STAT4: variants seen among roughly 807,000 people sequenced by gnomAD.
STAT4 encodes the protein signal transducer and activator of transcription 4.
Under a neutral mutation model 110.5 loss-of-function variants are expected in STAT4, and 42 were observed. The ratio of observed to expected loss-of-function variants is 0.38; its 90% CI spans 0.30 to 0.49. The LOEUF is 0.49. STAT4 is among the 20% of genes least tolerant of loss of function. The pLI is 0.95. For missense variants in STAT4, 632 were observed against 887.9 expected, an observed-to-expected ratio of 0.71 and a Z score of 3.66; for synonymous variants, 284 against 302.2, an observed-to-expected ratio of 0.94 and a Z score of 0.63.
In STAT4 at chr2:191,031,845, T is replaced by C. The variant is rs1404193576; in HGVS notation, c.2045-329A>G. Among the ~76,000 whole-genome samples the C allele has an allele frequency of 2.6e-5, 4 of 152,170 alleles. No homozygotes were observed. The highest frequency in any genetic ancestry group is 9.7e-5 in the African/African-American group (4 of 41,444). ...TGTTTGATTATAAGGACTGATTGAG[T>C]CATGTTTTGGGAGATATAATAACCC... On this transcript the variant is annotated intron_variant, in intron 21 of 23. Coordinates refer to ENST00000392320, the MANE Select transcript of STAT4 (RefSeq NM_003151.4). This position sits in a 1 kb window ranked among gnomAD's most constrained non-coding sequence, Gnocchi z 4.8.
chr2:191,039,809 T>C lies in STAT4; in HGVS notation c.1336-512A>G, dbSNP rs763409962. Among the ~76,000 whole-genome samples the C allele has an allele frequency of 2.6e-5, 4 of 152,250 alleles. No individual in the cohort carries two copies. The highest frequency in any genetic ancestry group is 5.9e-5 in the Non-Finnish European group (4 of 68,040). On this transcript the variant is annotated intron_variant, in intron 15 of 23. Coordinates refer to ENST00000392320, the MANE Select transcript of STAT4 (RefSeq NM_003151.4). This position sits in a 1 kb window ranked among gnomAD's most constrained non-coding sequence, Gnocchi z 4.7. ...GGAGATAGAGCCGTCTGTGCTATTG[T>C]TACAGAACTAACTCAATTTAATACT... is the stretch of plus-strand genomic sequence containing the variant.
rs896596040 is a variant in STAT4, at chr2:191,069,724, A to G, written c.513T>C (p.Phe171=). 2 of 1,609,986 alleles carry G rather than the reference A, an allele frequency of 1.2e-6. No individual in the cohort carries two copies. The highest frequency in any genetic ancestry group is 3.4e-5 in the Admixed American group (2 of 59,104). The change falls in exon 6 of 24, where the codon TTT becomes TTC. Residue 171 remains phenylalanine, a synonymous_variant. Transcript: ENST00000392320. ...TCTGAATTGTTTTATACCTGTAGTC[A>G]AATTCGTCTTGCAGATCTTCTAAGT... ...TKYLEDLQDE[F]DYRYKTIQTM... is the part of the protein sequence containing the mutation.
At position 191,130,056 on chromosome 2, in the gene STAT4, G is replaced by GAAACC. The variant is rs1451744240; in HGVS notation, c.273+16556_273+16557insGGTTT. ...TCATTTAGGAATTCCTTCCTTGAAG[G>GAAACC]TATCTTTGAGGTGAAGTTTCAATCT... is the stretch of plus-strand genomic sequence containing the variant. On this transcript the variant is annotated intron_variant, in intron 3 of 23. Coordinates refer to ENST00000392320, the MANE Select transcript of STAT4 (RefSeq NM_003151.4). Among the ~76,000 whole-genome samples, 82 of 152,018 alleles carry GAAACC rather than the reference G, an allele frequency of 5.4e-4. 1 individual carries two copies. Among genetic ancestry groups the GAAACC allele is most frequent in the Admixed American group, 5.4e-3 (82 of 15,274 alleles).
In STAT4 at chr2:191,147,970, A is replaced by C; in HGVS notation, c.128+106T>G. 6.8e-7 allele frequency: 1 copy of C among 1,465,194 alleles called. No individual in the cohort carries two copies. Among genetic ancestry groups the C allele is most frequent in the Non-Finnish European group, 9.2e-7 (1 of 1,084,992 alleles). The allele number at this position is 1,465,194 out of a possible 1,614,324, so 90.8% of individuals were successfully genotyped here. A position where few individuals can be genotyped will look rare whatever the true frequency, so the allele number is the denominator to read the frequency against. ...ATCCTTGAGAAAGTTCTTTACCTGA[A>C]AAGAATGCATCTACTGAGTAAAAAG... On this transcript the variant is annotated intron_variant, in intron 2 of 23. Coordinates refer to ENST00000392320, the MANE Select transcript of STAT4 (RefSeq NM_003151.4). The surrounding 1 kb of genome is among the most constrained non-coding windows in gnomAD (Gnocchi z 4.1).
At position 191,069,900 on chromosome 2, in the gene STAT4, C is replaced by T. The variant is rs190275248; in HGVS notation, c.466-129G>A. The T allele has an allele frequency of 7.8e-5, 51 of 657,308 alleles. No homozygotes were observed. In the Admixed American group the frequency reaches 1.3e-3, roughly 17 times the overall value. 40.7% of individuals were successfully genotyped at this position (657,308 alleles called of 1,614,324 possible). ...AACAGCAACCAAAGACCATAATGAA[C>T]GCACGCTTCTAAAGAGCTAATTCAT... On this transcript the variant is annotated intron_variant, in intron 5 of 23. Transcript: ENST00000392320.
chr2:191,068,991 T>G (rs770127861), intron 6 of STAT4, among the ~76,000 whole-genome samples: 3 of 152,128 alleles, frequency 2.0e-5, no homozygotes, highest in Non-Finnish European at 4.4e-5. Flanking sequence ...CATTTTGACA[T>G]TTATGCAATT....
chr2:191,048,754 C>A (rs1201791530), intron 14 of STAT4, among the ~76,000 whole-genome samples: 7 of 136,206 alleles, frequency 5.1e-5, no homozygotes, highest in Admixed American at 8.0e-5. Context: ...CCGCTGCACT[C>A]CAGCCTGGGC....
At chr2:191,071,471 A>G (rs1430916561) in intron 5 of STAT4, among the ~76,000 whole-genome samples, 1 of 152,190 alleles carries the variant, frequency 6.6e-6, no homozygotes, top group Non-Finnish European at 1.5e-5. Context: ...TTTGATCTCA[A>G]AATTAATTAA....
rs1386447089 is a variant in STAT4 at position 191,138,205 on chromosome 2, T to C, written c.273+8408A>G. On this transcript the variant is annotated intron_variant, in intron 3 of 23. Coordinates refer to ENST00000392320, the MANE Select transcript of STAT4 (RefSeq NM_003151.4). The surrounding 1 kb of genome is among the most constrained non-coding windows in gnomAD (Gnocchi z 4.3). ...ATTAAAAAGTGGGCAAAAATATGAA[T>C]AGACATTTCTCAAAAAAAACTAAAT... Among the ~76,000 whole-genome samples, 1 of 151,706 alleles carries C rather than the reference T, an allele frequency of 6.6e-6. No individual in the cohort carries two copies. Among genetic ancestry groups the C allele is most frequent in the African/African-American group, 2.4e-5 (1 of 41,334 alleles).
At chr2:191,096,321 GAGAATTTT>G (rs1697981526) in intron 3 of STAT4, among the ~76,000 whole-genome samples, 1 of 152,148 alleles carries the variant, frequency 6.6e-6, no homozygotes, top group Non-Finnish European at 1.5e-5. Flanking sequence ...AACAAAAAAA[GAGAATTTT>G]AGACCAATAT....
chr2:191,081,902 A>G (rs1452600419), intron 3 of STAT4, among the ~76,000 whole-genome samples: 2 of 152,108 alleles, frequency 1.3e-5, no homozygotes, highest in Non-Finnish European at 2.9e-5. Context: ...AATTAAACAC[A>G]TATTATCATT....
chr2:191,036,372 G>A (rs1696047373), intron 16 of STAT4, 73 bp from the exon 17 acceptor site: 51 of 1,512,738 alleles, frequency 3.4e-5, no homozygotes, highest in South Asian at 2.1e-4. Flanking sequence ...AGCAGGGCAA[G>A]AGAGGTCTCC....
Position 191,051,867 on chromosome 2 carries a change from G to A in STAT4, c.1251+2623C>T, listed in dbSNP as rs1696534101. 6.6e-6 allele frequency among the ~76,000 whole-genome samples: 1 copy of A among 152,214 alleles called. No homozygotes were observed. Among genetic ancestry groups the A allele is most frequent in the Admixed American group, 6.5e-5 (1 of 15,292 alleles). Reference sequence around the variant, plus strand: ...TGAGTAAGCTGTGTGACCACTCTGTGCCTCAGTTTCCATAACTGAAATAAG... The same window carrying A: ...TGAGTAAGCTGTGTGACCACTCTGTACCTCAGTTTCCATAACTGAAATAAG... On this transcript the variant is annotated intron_variant, in intron 14 of 23. Coordinates refer to ENST00000392320, the MANE Select transcript of STAT4 (RefSeq NM_003151.4). This position sits in a 1 kb window ranked among gnomAD's most constrained non-coding sequence, Gnocchi z 5.6.
At chr2:191,048,694 G>A (rs1696423752) in intron 14 of STAT4, among the ~76,000 whole-genome samples, 1 of 144,306 alleles carries the variant, frequency 6.9e-6, no homozygotes, top group Non-Finnish European at 1.5e-5. Context: ...GCTGAGGCAG[G>A]AGAATTGCTT....
At chr2:191,089,129 A>C (rs537294571) in intron 3 of STAT4, among the ~76,000 whole-genome samples, 1 of 152,346 alleles carries the variant, frequency 6.6e-6, no homozygotes, top group Admixed American at 6.5e-5. Context: ...TTAAGAAATG[A>C]AAATGAAAGT....
In STAT4 at chr2:191,104,682, A is replaced by T. The variant is rs1698230976; in HGVS notation, c.274-28357T>A. 6.6e-6 allele frequency among the ~76,000 whole-genome samples: 1 copy of T among 152,212 alleles called. No individual in the cohort carries two copies. Among genetic ancestry groups the T allele is most frequent in the African/African-American group, 2.4e-5 (1 of 41,454 alleles). ...AACATAAAACACTCCTCCCCATATG[A>T]TTTGAAAGGATATATATTGTCAAAG... On this transcript the variant is annotated intron_variant, in intron 3 of 23. Coordinates refer to ENST00000392320, the MANE Select transcript of STAT4 (RefSeq NM_003151.4). This position sits in a 1 kb window ranked among gnomAD's most constrained non-coding sequence, Gnocchi z 4.3.
chr2:191,120,821 G>C (rs1698704638), intron 3 of STAT4, among the ~76,000 whole-genome samples: 1 of 152,144 alleles, frequency 6.6e-6, no homozygotes, highest in South Asian at 2.1e-4. Context: ...AAAAACCCTA[G>C]AAGAAAACCT....
At chr2:191,075,758 A>T (rs934143102) in intron 4 of STAT4, among the ~76,000 whole-genome samples, 1 of 152,010 alleles carries the variant, frequency 6.6e-6, no homozygotes, top group Non-Finnish European at 1.5e-5. Flanking sequence ...ATTGCAAGTG[A>T]CTGGAAGGAT....
intron 3 of STAT4, among the ~76,000 whole-genome samples, chr2:191,115,223 A>G (rs1002305587): frequency 1.3e-5 from 2 of 152,172 alleles, no homozygotes; most frequent in Admixed American, 1.3e-4. Context: ...CCAAGAACCC[A>G]TTTGTCAAGG....
Sources: gnomAD v4.1 joint callset for allele counts (sites outside exome capture counted in the v4.1 genomes callset) on GRCh38, gnomAD v4.1.1 for gene constraint, Gnocchi (gnomAD v3.1) non-coding constraint, MANE v1.5 for transcripts, NCBI Gene and HGNC (gene_info 2026-07-23, HGNC 2026-07-21) for gene names.